The following BMPR1A variants were observed in gnomAD, a reference collection of about 807,000 sequenced individuals.
The protein encoded by BMPR1A is bone morphogenetic protein receptor type 1A, also known as bone morphogenetic protein receptor type-1A.
A neutral mutation model predicts 66.0 loss-of-function variants in BMPR1A; 7 were observed. The ratio of observed to expected loss-of-function variants is 0.11; its 90% CI spans 0.06 to 0.20. The LOEUF (loss-of-function observed/expected upper bound fraction) is 0.20, where lower values mean the gene tolerates loss of function less well. BMPR1A is among the 10% of genes least tolerant of loss of function. The pLI is 1.00. For missense variants in BMPR1A, 408 were observed against 669.1 expected (o/e 0.61, Z 4.31); for synonymous variants, 200 against 229.7 (o/e 0.87, Z 1.17).
intron 3 of BMPR1A, chr10:86,889,736 T>A (rs1470818384): frequency 7.4e-6 from 2 of 269,580 alleles, no homozygotes; most frequent in African/African-American, 4.5e-5. Flanking sequence ...TTTCCCTGGT[T>A]AAATTAAAAA....
chr10:86,804,792 GTTTTT>G (rs5786747), intron 1 of BMPR1A, among the ~76,000 whole-genome samples: 1 of 57,268 alleles, frequency 1.7e-5, no homozygotes, highest in Non-Finnish European at 3.2e-5. Flanking sequence ...GTTTGTAGGT[GTTTTT>G]TTTTTTTTTT....
chr10:86,826,423 C>G (rs1454628444), intron 1 of BMPR1A, among the ~76,000 whole-genome samples: 3 of 151,664 alleles, frequency 2.0e-5, no homozygotes, highest in Non-Finnish European at 4.4e-5. Context: ...CACACACACA[C>G]ACACACACAC....
At chr10:86,791,897 T>TTTG (rs1841630746) in intron 1 of BMPR1A, among the ~76,000 whole-genome samples, 3 of 149,752 alleles carry the variant, frequency 2.0e-5, no homozygotes, top group African/African-American at 7.4e-5. Context: ...TTTTTTTTTT[T>TTTG]GCTAGAGATG....
chr10:86,860,663 G>A (rs1045049452), intron 2 of BMPR1A, among the ~76,000 whole-genome samples: 4 of 151,274 alleles, frequency 2.6e-5, no homozygotes, highest in Non-Finnish European at 5.9e-5. Flanking sequence ...CCAGCTACTC[G>A]GGAGGCTGAG....
At chr10:86,873,073 T>C (rs988970250) in intron 2 of BMPR1A, among the ~76,000 whole-genome samples, 1 of 151,942 alleles carries the variant, frequency 6.6e-6, no homozygotes, top group East Asian at 1.9e-4. Context: ...GCACTTAGAG[T>C]CTCACGGCCA....
intron 1 of BMPR1A, among the ~76,000 whole-genome samples, chr10:86,771,448 A>G (rs1241053008): frequency 1.3e-5 from 2 of 152,214 alleles, no homozygotes; most frequent in Non-Finnish European, 2.9e-5. Context: ...AACCTTTACA[A>G]GTATTCTATG....
chr10:86,925,721 C>CTTTTTTTTTTTTT lies in BMPR1A; in HGVS notation c.*2007_*2019dup, dbSNP rs11450437. ...CATAATCTTTAAAATCATTTGTCAT[C>CTTTTTTTTTTTTT]TTTTTTTTTTTTTTTTTGAGACGGA... On this transcript the variant is annotated 3_prime_UTR_variant, in exon 13 of 13. Coordinates refer to ENST00000372037, the MANE Select transcript of BMPR1A (RefSeq NM_004329.3). The CTTTTTTTTTTTTT allele has an allele frequency of 0.029, 3,425 of 116,796 alleles. 580 individuals are homozygous for CTTTTTTTTTTTTT. The highest frequency in any genetic ancestry group is 0.09 in the African/African-American group (2,229 of 24,900). The allele number at this position is 116,796 out of a possible 1,614,324, so 7.2% of individuals were successfully genotyped here.
intron 1 of BMPR1A, among the ~76,000 whole-genome samples, chr10:86,836,511 T>C (rs1842349502): frequency 6.6e-6 from 1 of 152,144 alleles, no homozygotes; most frequent in South Asian, 2.1e-4. Flanking sequence ...AGGAAACGTT[T>C]TCTGGGCTGG....
At chr10:86,861,973 TCTG>T (rs1292017779) in intron 2 of BMPR1A, among the ~76,000 whole-genome samples, 1 of 152,226 alleles carries the variant, frequency 6.6e-6, no homozygotes, top group African/African-American at 2.4e-5. Context: ...TTTAATTTCT[TCTG>T]CTCCATTCAG....
At chr10:86,803,035 C>CTTT (rs34119896) in intron 1 of BMPR1A, among the ~76,000 whole-genome samples, 1 of 144,596 alleles carries the variant, frequency 6.9e-6, no homozygotes, top group Non-Finnish European at 1.5e-5. Flanking sequence ...GACCCTAAGC[C>CTTT]TTTTTTTACT....
chr10:86,814,874 C>G (rs757248853), intron 1 of BMPR1A, among the ~76,000 whole-genome samples: 2 of 152,132 alleles, frequency 1.3e-5, no homozygotes, highest in African/African-American at 2.4e-5. Context: ...CAACCTCTGC[C>G]TCCTGAGTTC....
intron 2 of BMPR1A, among the ~76,000 whole-genome samples, chr10:86,848,138 G>T (rs1158104489): frequency 6.6e-6 from 1 of 151,994 alleles, no homozygotes; most frequent in Non-Finnish European, 1.5e-5. Flanking sequence ...TCATCATGTT[G>T]GTCAGGCTGG....
chr10:86,913,527 G>A (rs761419485), intron 8 of BMPR1A, among the ~76,000 whole-genome samples: 1 of 152,068 alleles, frequency 6.6e-6, no homozygotes, highest in Non-Finnish European at 1.5e-5. Flanking sequence ...GATTGTTTAC[G>A]TAGAAAATCC....
chr10:86,916,080 A>G (rs1194343404), intron 8 of BMPR1A, among the ~76,000 whole-genome samples: 4 of 152,208 alleles, frequency 2.6e-5, no homozygotes, highest in Non-Finnish European at 4.4e-5. Context: ...AAGTGAGAAA[A>G]TAGCACTCTA....
At chr10:86,825,124 G>A (rs1437498943) in intron 1 of BMPR1A, among the ~76,000 whole-genome samples, 1 of 145,854 alleles carries the variant, frequency 6.9e-6, no homozygotes, top group Non-Finnish European at 1.5e-5. Context: ...TTTGTTTTAA[G>A]ACAGGGACTC....
intron 1 of BMPR1A, among the ~76,000 whole-genome samples, chr10:86,782,517 G>T (rs114579891): frequency 0.012 from 1,741 of 150,022 alleles, 35 homozygotes; most frequent in African/African-American, 0.04. Context: ...TTTGTTTTTT[G>T]TTTTTTTTTG....
At chr10:86,797,120 A>G (rs1222909920) in intron 1 of BMPR1A, among the ~76,000 whole-genome samples, 7 of 136,486 alleles carry the variant, frequency 5.1e-5, no homozygotes, top group Admixed American at 3.2e-4. Context: ...GCTGGAGTGC[A>G]GTGGCGCGAT....
At chr10:86,913,064 A>C (rs1293741830) in intron 8 of BMPR1A, among the ~76,000 whole-genome samples, 1 of 152,088 alleles carries the variant, frequency 6.6e-6, no homozygotes, top group Non-Finnish European at 1.5e-5. Context: ...AGATAGGTTT[A>C]AGTTTTTAAT....
rs1256616852 is a variant in BMPR1A, at chr10:86,927,181, T to G, written c.*3462T>G. On this transcript the variant is annotated 3_prime_UTR_variant, in exon 13 of 13. Coordinates refer to ENST00000372037, the MANE Select transcript of BMPR1A (RefSeq NM_004329.3). ...TGCTTTGTTCTGTTTAGAACAAAAA[T>G]GCACTATAGTTTTTAAAGAATCATG... The G allele has an allele frequency of 1.1e-5, 2 of 187,008 alleles. No individual in the cohort carries two copies. The highest frequency in any genetic ancestry group is 2.3e-5 in the Non-Finnish European group (2 of 88,558). The allele number at this position is 187,008 out of a possible 1,614,324, so 11.6% of individuals were successfully genotyped here. A position where few individuals can be genotyped will look rare whatever the true frequency, so the allele number is the denominator to read the frequency against.
Sources: gnomAD v4.1 joint callset for allele counts (sites outside exome capture counted in the v4.1 genomes callset) on GRCh38, gnomAD v4.1.1 for gene constraint, MANE v1.5 for transcripts, NCBI Gene and HGNC (gene_info 2026-07-23, HGNC 2026-07-21) for gene names.